GPCPD1: variants seen among roughly 807,000 people sequenced by gnomAD.
GPCPD1 encodes glycerophosphocholine phosphodiesterase GPCPD1.
A neutral mutation model predicts 89.2 loss-of-function variants in GPCPD1; 29 were observed. The observed-to-expected ratio is 0.33, with a 90% CI of 0.24 to 0.44. GPCPD1 has a LOEUF of 0.44. Ranked by LOEUF, GPCPD1 falls within the 20% of genes least tolerant of loss-of-function variation. GPCPD1 has a pLI of 1.00. For synonymous variants in GPCPD1, 258 were observed against 266.3 expected, an observed-to-expected ratio of 0.97 and a Z score of 0.30; for missense variants, 594 against 808.9, an observed-to-expected ratio of 0.73 and a Z score of 3.22.
intron 3 of GPCPD1, among the ~76,000 whole-genome samples, chr20:5,594,072 T>C (rs1370746016): frequency 6.6e-6 from 1 of 152,206 alleles, no homozygotes; most frequent in Non-Finnish European, 1.5e-5. Context: ...AAGATTTGAC[T>C]CAACAGCTGC....
chr20:5,561,420 A>C (rs748956974), intron 16 of GPCPD1, 45 bp downstream of exon 16: 1 of 992,000 alleles, frequency 1.0e-6, no homozygotes, highest in Admixed American at 2.3e-5. Flanking sequence ...AATTTTTTAG[A>C]TAGGCATAGA....
At chr20:5,557,510 G>A (rs1417431263) in intron 19 of GPCPD1, among the ~76,000 whole-genome samples, 2 of 152,196 alleles carry the variant, frequency 1.3e-5, no homozygotes, top group African/African-American at 4.8e-5. Flanking sequence ...CACTTATACT[G>A]AAATCAGGAA....
chr20:5,607,697 G>A (rs1378538493), intron 1 of GPCPD1, among the ~76,000 whole-genome samples: 1 of 151,812 alleles, frequency 6.6e-6, no homozygotes, highest in Non-Finnish European at 1.5e-5. Context: ...GGTGGCTCAC[G>A]CCTATAATCC....
At chr20:5,585,161 A>AT (rs1457820868) in intron 5 of GPCPD1, 1 of 152,202 alleles carries the variant, frequency 6.6e-6, no homozygotes, top group Non-Finnish European at 1.5e-5. Flanking sequence ...TTAAAATACA[A>AT]TTTTTTAAAA....
chr20:5,561,390 T>C, intron 16 of GPCPD1, 75 bp downstream of exon 16: 1 of 780,946 alleles, frequency 1.3e-6, no homozygotes, highest in South Asian at 1.7e-5. Flanking sequence ...TCCATTAAAA[T>C]ACAAAGACAG....
chr20:5,562,100 CTAAAT>C (rs1280171251), intron 15 of GPCPD1, among the ~76,000 whole-genome samples: 1 of 152,126 alleles, frequency 6.6e-6, no homozygotes, highest in Non-Finnish European at 1.5e-5. Flanking sequence ...TGTATCTAAA[CTAAAT>C]TATCTAGACA....
chr20:5,562,752 T>C (rs1319447503), intron 15 of GPCPD1, among the ~76,000 whole-genome samples: 1 of 152,234 alleles, frequency 6.6e-6, no homozygotes, highest in Non-Finnish European at 1.5e-5. Flanking sequence ...CTTAACCAGC[T>C]GCATGTAAAG....
intron 11 of GPCPD1, among the ~76,000 whole-genome samples, chr20:5,571,783 C>A (rs1452943243): frequency 6.6e-6 from 1 of 152,052 alleles, no homozygotes; most frequent in Admixed American, 6.6e-5. Context: ...GTGGCAAACG[C>A]CTGTAATCTC....
chr20:5,584,207 T>C (rs1021783789), intron 6 of GPCPD1, 74 bp downstream of exon 6: 3 of 777,194 alleles, frequency 3.9e-6, no homozygotes, highest in African/African-American at 1.7e-5. Flanking sequence ...TCCTGTGCTA[T>C]ATAACTCCAG....
intron 19 of GPCPD1, chr20:5,549,422 T>C (rs2122517900): frequency 8.2e-7 from 1 of 1,212,652 alleles, no homozygotes; most frequent in Non-Finnish European, 1.2e-6. Flanking sequence ...TGGTTATCAG[T>C]CCCATGCAGA....
intron 15 of GPCPD1, 104 bp downstream of exon 15, chr20:5,564,913 T>G (rs1335458500): frequency 1.4e-6 from 1 of 713,378 alleles, no homozygotes; most frequent in Non-Finnish European, 2.5e-6. Flanking sequence ...ATTAACATTG[T>G]CTTTAACACA....
intron 15 of GPCPD1, 80 bp from the exon 16 acceptor site, chr20:5,561,610 A>G (rs1986082423): frequency 3.1e-6 from 2 of 649,026 alleles, no homozygotes; most frequent in South Asian, 3.9e-5. Flanking sequence ...TACAATTATT[A>G]CTAAAAATAA....
At chr20:5,607,661 T>C (rs1980683116) in intron 1 of GPCPD1, among the ~76,000 whole-genome samples, 1 of 151,878 alleles carries the variant, frequency 6.6e-6, no homozygotes, top group African/African-American at 2.4e-5. Context: ...TTTCTGCATC[T>C]AAGAGTAAAC....
rs1172762816 is a variant in GPCPD1 at position 5,560,075 on chromosome 20, T to A, written c.1397A>T (p.Asp466Val). The A allele has an allele frequency of 3.3e-6, 5 of 1,538,232 alleles. No individual in the cohort carries two copies. The highest frequency in any genetic ancestry group is 1.3e-5 in the South Asian group (1 of 79,204). Reference protein sequence around the residue: ...IEIKWICQQRDGMWDGNLSTY... With the variant: ...IEIKWICQQRVGMWDGNLSTY... Reference sequence around the variant, plus strand: ...TGATAAGTTACCATCCCACATTCCATCCTAGTGAAAGAGAAAGCAAAATAA... The same window carrying A: ...TGATAAGTTACCATCCCACATTCCAACCTAGTGAAAGAGAAAGCAAAATAA... The change falls in exon 17 of 20, where the codon GAT becomes GTT. Residue 466 changes from aspartate to valine, a missense_variant and splice_region_variant. Asp to Val is a radical substitution (Grantham distance 152). Transcript: ENST00000379019.
chr20:5,601,361 CTTTTTTTTTT>C (rs1209326779), intron 2 of GPCPD1, among the ~76,000 whole-genome samples: 1 of 73,046 alleles, frequency 1.4e-5, no homozygotes, highest in South Asian at 5.8e-4. Context: ...CCCTGTTAAT[CTTTTTTTTTT>C]TTTTTTTTTT....
rs535798447 is a variant in GPCPD1, at chr20:5,583,161, G to A, written c.349+1120C>T. Among the ~76,000 whole-genome samples the A allele has an allele frequency of 2.7e-5, 4 of 147,474 alleles. No individual in the cohort carries two copies. In the South Asian group the frequency reaches 8.5e-4, roughly 31 times the overall value. On this transcript the variant is annotated intron_variant, in intron 6 of 19. Transcript: ENST00000379019. ...ATCGCTTGAACCTGGGAGGCAGAGA[G>A]TGCGGTGAGCCAAGGTTGTGCCATC...
intron 1 of GPCPD1, among the ~76,000 whole-genome samples, chr20:5,610,531 C>T (rs1980894796): frequency 6.6e-6 from 1 of 152,070 alleles, no homozygotes; most frequent in African/African-American, 2.4e-5. Flanking sequence ...TGCGGTAGTC[C>T]TATGCTCCAC....
intron 4 of GPCPD1, among the ~76,000 whole-genome samples, chr20:5,590,660 C>T (rs894606211): frequency 6.6e-6 from 1 of 151,796 alleles, no homozygotes; most frequent in African/African-American, 2.4e-5. Context: ...CTCAAGTTAA[C>T]ACCTGACAGT....
chr20:5,599,652 T>G (rs1380009828), intron 2 of GPCPD1, among the ~76,000 whole-genome samples: 3 of 151,778 alleles, frequency 2.0e-5, no homozygotes, highest in Non-Finnish European at 2.9e-5. Flanking sequence ...CCTCCCAGGT[T>G]CAAGCAATTC....
Sources: gnomAD v4.1 joint callset for allele counts (sites outside exome capture counted in the v4.1 genomes callset) on GRCh38, gnomAD v4.1.1 for gene constraint, MANE v1.5 for transcripts, NCBI Gene and HGNC (gene_info 2026-07-23, HGNC 2026-07-21) for gene names.